The following LHPP variants were observed in gnomAD, a reference collection of about 807,000 sequenced individuals.
LHPP encodes the protein phospholysine phosphohistidine inorganic pyrophosphate phosphatase.
In LHPP, 24 loss-of-function variants were observed where a neutral mutation model predicts 30.3. That is an observed-to-expected ratio of 0.79 (90% CI 0.57 to 1.11). LHPP has a LOEUF of 1.11. Among genes scored for constraint, LHPP ranks in the 50% most tolerant of loss-of-function variants. LHPP has a pLI of 0.00. For synonymous variants in LHPP, 150 were observed against 157.1 expected (o/e 0.95, Z 0.34); for missense variants, 356 against 367.2 (o/e 0.97, Z 0.25).
intron 6 of LHPP, among the ~76,000 whole-genome samples, chr10:124,558,819 C>T (rs1464692292): frequency 6.6e-6 from 1 of 152,270 alleles, no homozygotes; most frequent in South Asian, 2.1e-4. Flanking sequence ...TCCGAGCAGG[C>T]CCCTGCGGCC....
chr10:124,554,132 G>C, intron 6 of LHPP: 1 of 895,738 alleles, frequency 1.1e-6, no homozygotes, highest in Non-Finnish European at 1.3e-6. Context: ...GACGACCTGG[G>C]CCAGGTAGAG....
At chr10:124,540,792 G>T (rs1486134648) in intron 6 of LHPP, among the ~76,000 whole-genome samples, 1 of 152,172 alleles carries the variant, frequency 6.6e-6, no homozygotes, top group African/African-American at 2.4e-5. Context: ...ACCAAAACCA[G>T]GGGGCAGAGT....
At chr10:124,502,636 G>A (rs1007129325) in intron 5 of LHPP, among the ~76,000 whole-genome samples, 5 of 148,848 alleles carry the variant, frequency 3.4e-5, no homozygotes, top group South Asian at 2.1e-4. Context: ...CCAAAGTGCC[G>A]GGATTACAGA....
chr10:124,546,973 G>T (rs778263207), intron 6 of LHPP, among the ~76,000 whole-genome samples: 1 of 151,712 alleles, frequency 6.6e-6, no homozygotes, highest in African/African-American at 2.4e-5. Context: ...CTCTTAACCC[G>T]CCTCCCACCC....
chr10:124,603,484 GCT>G (rs1268111963), intron 6 of LHPP, among the ~76,000 whole-genome samples: 1 of 152,180 alleles, frequency 6.6e-6, no homozygotes, highest in Non-Finnish European at 1.5e-5. Context: ...CCCCATCCCT[GCT>G]CTGGTCCCCA....
At chr10:124,489,467 T>TA (rs1185090186) in intron 3 of LHPP, among the ~76,000 whole-genome samples, 7 of 152,192 alleles carry the variant, frequency 4.6e-5, no homozygotes, top group Non-Finnish European at 7.3e-5. Context: ...TATATATATA[T>TA]TTTTTAAGAC....
intron 6 of LHPP, among the ~76,000 whole-genome samples, chr10:124,608,681 C>T (rs1009556075): frequency 3.4e-5 from 5 of 147,490 alleles, no homozygotes; most frequent in Non-Finnish European, 7.5e-5. Context: ...GTCTCTGTCT[C>T]GCTCAGAGGG....
intron 3 of LHPP, among the ~76,000 whole-genome samples, chr10:124,493,187 G>A (rs769749088): frequency 6.6e-6 from 1 of 152,012 alleles, no homozygotes; most frequent in Non-Finnish European, 1.5e-5. Context: ...TAGTAGACAA[G>A]GGTTTTTTTA....
At chr10:124,546,664 C>T (rs1045070943) in intron 6 of LHPP, among the ~76,000 whole-genome samples, 22 of 151,940 alleles carry the variant, frequency 1.4e-4, no homozygotes, top group Admixed American at 3.9e-4. Flanking sequence ...CCCGCCTCAG[C>T]CTCCCAAAGT....
At position 124,488,430 on chromosome 10, in the gene LHPP, T is replaced by G. The variant is rs1422858053; in HGVS notation, c.322T>G (p.Ser108Ala). The change falls in exon 3 of 7, where the codon TCA becomes GCA. Residue 108 changes from serine to alanine, a missense_variant. Transcript: ENST00000368842. Reference sequence around the variant, plus strand: ...TCTCTCTCTCTTTCCAGGAGTCCGCTCAGAATTTGATCAGATCGACACATC... The same window carrying G: ...TCTCTCTCTCTTTCCAGGAGTCCGCGCAGAATTTGATCAGATCGACACATC... ...PYLLIHDGVRSEFDQIDTSNP... is the reference protein window; with the variant it reads ...PYLLIHDGVRAEFDQIDTSNP... 1.9e-6 allele frequency: 3 copies of G among 1,613,826 alleles called. No individual in the cohort carries two copies. Among genetic ancestry groups the G allele is most frequent in the Non-Finnish European group, 2.5e-6 (3 of 1,179,934 alleles).
chr10:124,547,057 G>A (rs1195634873), intron 6 of LHPP, among the ~76,000 whole-genome samples: 1 of 151,840 alleles, frequency 6.6e-6, no homozygotes, highest in Non-Finnish European at 1.5e-5. Context: ...ACACACAGGA[G>A]GTTGTCCTGT....
chr10:124,504,684 C>T (rs371212751), intron 5 of LHPP, among the ~76,000 whole-genome samples: 30 of 151,848 alleles, frequency 2.0e-4, no homozygotes, highest in African/African-American at 5.1e-4. Flanking sequence ...GGGGAGGAGA[C>T]GAGACTGGCT....
intron 1 of LHPP, among the ~76,000 whole-genome samples, chr10:124,471,725 GTATATATATATTTGTATATATAT>G (rs1952780902): frequency 8.8e-5 from 1 of 11,392 alleles, no homozygotes. Flanking sequence ...ATATATTTAT[GTATATATATATTTGTATATATAT>G]TTGTATATAT....
At chr10:124,527,333 C>T (rs769372437) in intron 6 of LHPP, among the ~76,000 whole-genome samples, 1 of 152,238 alleles carries the variant, frequency 6.6e-6, no homozygotes, top group Non-Finnish European at 1.5e-5. Context: ...GGCTCAGAGG[C>T]CCCTGACTCC....
chr10:124,478,420 C>T lies in LHPP; in HGVS notation c.126-5719C>T, dbSNP rs1589767024. ...CTCATGCTGCCCTTTTCCTGAGGCC[C>T]CCTGCTGCCTGCCCAGTCTCCCCTC... On this transcript the variant is annotated intron_variant, in intron 1 of 6. Coordinates refer to ENST00000368842, the MANE Select transcript of LHPP (RefSeq NM_022126.4). This position sits in a 1 kb window ranked among gnomAD's most constrained non-coding sequence, Gnocchi z 4.7. 6.6e-6 allele frequency among the ~76,000 whole-genome samples: 1 copy of T among 152,150 alleles called. No individual in the cohort carries two copies. The highest frequency in any genetic ancestry group is 1.5e-5 in the Non-Finnish European group (1 of 68,004).
intron 4 of LHPP, 49 bp from the exon 5 acceptor site, chr10:124,497,987 C>A: frequency 2.1e-6 from 3 of 1,452,596 alleles, no homozygotes; most frequent in East Asian, 2.3e-5. Flanking sequence ...TGGGCATACA[C>A]CTGTTCCTTG....
Position 124,468,966 on chromosome 10 carries a change from C to T in LHPP, c.125+6979C>T, listed in dbSNP as rs75191653. On this transcript the variant is annotated intron_variant, in intron 1 of 6. Coordinates refer to ENST00000368842, the MANE Select transcript of LHPP (RefSeq NM_022126.4). The stretch of plus-strand genomic sequence containing the variant: ...TTTCCCTGGGGATTTTCCAGAGATG[C>T]AGGACACCTGTTTTCCTCGCCTGGT... Among the ~76,000 whole-genome samples, 869 of 152,324 alleles carry T rather than the reference C, an allele frequency of 5.7e-3. 9 individuals are homozygous for T. The highest frequency in any genetic ancestry group is 0.02 in the African/African-American group (840 of 41,566).
At chr10:124,501,245 G>A (rs113437514) in intron 5 of LHPP, among the ~76,000 whole-genome samples, 21 of 151,950 alleles carry the variant, frequency 1.4e-4, no homozygotes, top group Admixed American at 3.9e-4. Context: ...GGCAGGGGTC[G>A]GGTGCAGGGG....
At chr10:124,491,509 G>A (rs2133862661) in intron 3 of LHPP, among the ~76,000 whole-genome samples, 1 of 152,350 alleles carries the variant, frequency 6.6e-6, no homozygotes, top group African/African-American at 2.4e-5. Context: ...GATGAAATAA[G>A]CTGCTGTCCC....
Sources: allele counts gnomAD v4.1 joint callset (sites outside exome capture counted in the v4.1 genomes callset), GRCh38; gene constraint gnomAD v4.1.1; non-coding constraint Gnocchi (gnomAD v3.1); transcripts MANE v1.5; gene names NCBI Gene and HGNC (gene_info 2026-07-23, HGNC 2026-07-21).